The following CSMD1 variants were observed in gnomAD, a reference collection of about 807,000 sequenced individuals.
CSMD1 encodes CUB and Sushi multiple domains 1, also known as CUB and sushi domain-containing protein 1.
CSMD1 carries 213 observed loss-of-function variants against 417.5 expected under a neutral mutation model. The observed-to-expected ratio is 0.51, with a 90% CI of 0.46 to 0.57. The LOEUF is 0.57. CSMD1 is among the 20% of genes least tolerant of loss of function. The probability of loss-of-function intolerance (pLI) is 0.00; values close to 1 mark genes in which losing one functional copy is unlikely to be tolerated. For missense variants in CSMD1, 6,923 were observed against 4,529.7 expected (o/e 1.53, Z -15.17); for synonymous variants, 2,862 against 1,736.8 (o/e 1.65, Z -16.11).
intron 26 of CSMD1, among the ~76,000 whole-genome samples, chr8:3,269,632 T>G (rs1387211228): frequency 1.3e-5 from 2 of 152,224 alleles, no homozygotes; most frequent in Admixed American, 6.5e-5. Flanking sequence ...CATTTTTCCC[T>G]GGGACTGGGG....
intron 10 of CSMD1, among the ~76,000 whole-genome samples, chr8:3,523,589 A>G (rs1423805875): frequency 6.6e-6 from 1 of 152,128 alleles, no homozygotes; most frequent in East Asian, 1.9e-4. Context: ...ACACACAGAC[A>G]TATGCACACA....
chr8:4,978,062 C>T (rs1156682902), intron 1 of CSMD1, among the ~76,000 whole-genome samples: 1 of 152,176 alleles, frequency 6.6e-6, no homozygotes, highest in Non-Finnish European at 1.5e-5. Flanking sequence ...CTCAGCATAC[C>T]TGACTTTGAG....
rs146782152 is a variant in CSMD1, at chr8:4,112,854, G to A, written c.416-80755C>T. Among the ~76,000 whole-genome samples the A allele has an allele frequency of 1.0e-3, 155 of 152,176 alleles. 1 individual carries two copies. Among genetic ancestry groups the A allele is most frequent in the South Asian group, 6.0e-3 (29 of 4,824 alleles). On this transcript the variant is annotated intron_variant, in intron 3 of 69. Transcript: ENST00000635120. ...CTGTATTGCACTTTGCTGATATTGC[G>A]TTTTTAAAAATTGAAGGCTTGTACC...
At chr8:3,228,888 C>G (rs56922469) in intron 27 of CSMD1, among the ~76,000 whole-genome samples, 8 of 152,106 alleles carry the variant, frequency 5.3e-5, no homozygotes, top group Non-Finnish European at 1.2e-4. Flanking sequence ...GCCGAAATCT[C>G]TGCAGTCTCC....
At chr8:3,235,460 A>G (rs1563169191) in intron 26 of CSMD1, among the ~76,000 whole-genome samples, 3 of 152,186 alleles carry the variant, frequency 2.0e-5, no homozygotes, top group African/African-American at 7.2e-5. Context: ...TCTGGGAGTT[A>G]ATAGGATCTG....
chr8:3,497,255 C>T (rs1407983933), intron 10 of CSMD1, among the ~76,000 whole-genome samples: 1 of 152,094 alleles, frequency 6.6e-6, no homozygotes, highest in Non-Finnish European at 1.5e-5. Context: ...TGTTCAAGTC[C>T]ACATCTATTA....
chr8:3,497,960 T>C (rs1469518137), intron 10 of CSMD1, among the ~76,000 whole-genome samples: 3 of 152,238 alleles, frequency 2.0e-5, no homozygotes, highest in Admixed American at 2.0e-4. Flanking sequence ...AGGGCTCCCA[T>C]AAGCATTTCT....
chr8:4,982,771 G>C (rs1214073267), intron 1 of CSMD1, among the ~76,000 whole-genome samples: 1 of 152,080 alleles, frequency 6.6e-6, no homozygotes, highest in African/African-American at 2.4e-5. Flanking sequence ...GTTCGGCTTG[G>C]CTATACTTTT....
rs546474618 is a variant in CSMD1, at chr8:3,679,231, C to G, written c.1009+29183G>C. 8.7e-4 allele frequency among the ~76,000 whole-genome samples: 133 copies of G among 152,246 alleles called. 1 individual carries two copies. The highest frequency in any genetic ancestry group is 2.8e-3 in the Admixed American group (43 of 15,280). On this transcript the variant is annotated intron_variant, in intron 7 of 69. Coordinates refer to ENST00000635120, the MANE Select transcript of CSMD1 (RefSeq NM_033225.6). ...GGCTAAATGCTCCAATTACAAGACG[C>G]AGACTGGCAAATTGGATAAAGAGTC... is the stretch of plus-strand genomic sequence containing the variant.
At chr8:3,708,847 T>G (rs1801330129) in intron 6 of CSMD1, among the ~76,000 whole-genome samples, 1 of 152,228 alleles carries the variant, frequency 6.6e-6, no homozygotes, top group African/African-American at 2.4e-5. Context: ...GTATCTATCC[T>G]GACTACAGAG....
At chr8:3,435,969 T>A (rs1205269482) in intron 12 of CSMD1, among the ~76,000 whole-genome samples, 1 of 152,216 alleles carries the variant, frequency 6.6e-6, no homozygotes, top group Non-Finnish European at 1.5e-5. Context: ...CATTTCACTT[T>A]GCAACTTTGT....
At chr8:4,759,319 G>A (rs1811872794) in intron 1 of CSMD1, among the ~76,000 whole-genome samples, 1 of 152,170 alleles carries the variant, frequency 6.6e-6, no homozygotes, top group Non-Finnish European at 1.5e-5. Context: ...CATCTGGTCT[G>A]AAAGCCCCAG....
intron 1 of CSMD1, among the ~76,000 whole-genome samples, chr8:4,712,324 A>G (rs941081613): frequency 6.6e-6 from 1 of 152,218 alleles, no homozygotes; most frequent in African/African-American, 2.4e-5. Flanking sequence ...GGTCACTTCC[A>G]ACCACGCATT....
chr8:4,103,082 G>C (rs1563127134), intron 3 of CSMD1, among the ~76,000 whole-genome samples: 2 of 152,130 alleles, frequency 1.3e-5, no homozygotes, highest in Non-Finnish European at 2.9e-5. Context: ...TTGGTTTTGA[G>C]CTCCAGACAG....
At chr8:3,936,347 T>TAGA (rs1810492651) in intron 5 of CSMD1, among the ~76,000 whole-genome samples, 1 of 152,166 alleles carries the variant, frequency 6.6e-6, no homozygotes, top group Non-Finnish European at 1.5e-5. Context: ...AGCCTTGTAT[T>TAGA]AGAAGACGAT....
At chr8:4,476,877 T>G (rs1800829219) in intron 2 of CSMD1, among the ~76,000 whole-genome samples, 1 of 152,170 alleles carries the variant, frequency 6.6e-6, no homozygotes, top group Non-Finnish European at 1.5e-5. Flanking sequence ...AACTACAGGC[T>G]TTTTTGTGAA....
chr8:3,633,585 A>G (rs1796886176), intron 7 of CSMD1, among the ~76,000 whole-genome samples: 1 of 152,234 alleles, frequency 6.6e-6, no homozygotes. Flanking sequence ...AGCTACTTAA[A>G]TTTTCATCTT....
At chr8:4,503,151 G>A (rs978142294) in intron 2 of CSMD1, among the ~76,000 whole-genome samples, 2 of 152,160 alleles carry the variant, frequency 1.3e-5, no homozygotes, top group Admixed American at 6.6e-5. Flanking sequence ...TACGTGAAGT[G>A]TGCTTTTAAT....
chr8:3,864,077 G>C (rs1182241182), intron 5 of CSMD1, among the ~76,000 whole-genome samples: 1 of 152,046 alleles, frequency 6.6e-6, no homozygotes, highest in Non-Finnish European at 1.5e-5. Context: ...TAATATTTAA[G>C]TAAACATACA....
Sources: allele counts gnomAD v4.1 joint callset (sites outside exome capture counted in the v4.1 genomes callset), GRCh38; gene constraint gnomAD v4.1.1; transcripts MANE v1.5; gene names NCBI Gene and HGNC (gene_info 2026-07-23, HGNC 2026-07-21).